Variants in MTA3 observed in about 807,000 individuals in gnomAD.
MTA3 encodes metastasis-associated protein MTA3.
In MTA3, 34 loss-of-function variants were observed where a neutral mutation model predicts 83.5. The observed-to-expected ratio is 0.41, with a 90% confidence interval of 0.31 to 0.54. MTA3 has a LOEUF of 0.54. MTA3 is among the 20% of genes least tolerant of loss of function. MTA3 has a pLI of 0.33. For synonymous variants in MTA3, 303 were observed against 252.7 expected (o/e 1.20, Z -1.89); for missense variants, 761 against 726.4 (o/e 1.05, Z -0.55).
chr2:42,601,312 T>G (rs1002779942), intron 3 of MTA3, among the ~76,000 whole-genome samples: 2 of 152,232 alleles, frequency 1.3e-5, no homozygotes, highest in Non-Finnish European at 2.9e-5. Flanking sequence ...TAAGTGAGTG[T>G]GGAGCAGTGC....
chr2:42,628,772 C>T (rs35982028), intron 4 of MTA3, among the ~76,000 whole-genome samples: 2,240 of 36,538 alleles, frequency 0.061, 61 homozygotes, highest in East Asian at 0.14. Flanking sequence ...CATTTCCACC[C>T]TTTTTTTTTT....
At chr2:42,606,378 T>C (rs1318530044) in intron 3 of MTA3, among the ~76,000 whole-genome samples, 5 of 118,000 alleles carry the variant, frequency 4.2e-5, no homozygotes, top group South Asian at 2.9e-4. Context: ...TCCTCACTTC[T>C]CAGACGGGGC....
intron 16 of MTA3, among the ~76,000 whole-genome samples, chr2:42,730,141 C>T (rs1452960435): frequency 6.6e-6 from 1 of 152,066 alleles, no homozygotes; most frequent in African/African-American, 2.4e-5. Flanking sequence ...TAGGTTTTTC[C>T]AAATATAAGA....
At chr2:42,554,215 C>T (rs890241883) in intron 2 of MTA3, among the ~76,000 whole-genome samples, 1 of 152,108 alleles carries the variant, frequency 6.6e-6, no homozygotes, top group African/African-American at 2.4e-5. Flanking sequence ...GCCTGGGCGA[C>T]AGAGCAAGAC....
At chr2:42,628,752 A>G (rs1200439341) in intron 4 of MTA3, among the ~76,000 whole-genome samples, 3 of 141,474 alleles carry the variant, frequency 2.1e-5, no homozygotes, top group Non-Finnish European at 3.0e-5. Flanking sequence ...GTTATTGAGT[A>G]TTGACAAAAC....
At chr2:42,609,415 A>G in intron 3 of MTA3, 43 bp from the exon 4 acceptor site, 1 of 1,579,416 alleles carries the variant, frequency 6.3e-7, no homozygotes, top group East Asian at 2.2e-5. Flanking sequence ...CAAACAGATA[A>G]TGTGCTTTGT....
At chr2:42,610,964 C>A (rs1322541499) in intron 4 of MTA3, among the ~76,000 whole-genome samples, 2 of 150,748 alleles carry the variant, frequency 1.3e-5, no homozygotes, top group South Asian at 4.2e-4. Context: ...ACATAAAATG[C>A]ATTATTTCTT....
chr2:42,626,969 G>T (rs1238026989), intron 4 of MTA3, among the ~76,000 whole-genome samples: 1 of 151,950 alleles, frequency 6.6e-6, no homozygotes, highest in African/African-American at 2.4e-5. Context: ...TCAAACTCCT[G>T]ACCTCAGGTG....
Position 42,659,881 on chromosome 2 carries a change from T to C in MTA3, c.702+19T>C. On this transcript the variant is annotated intron_variant, in intron 8 of 16. Coordinates refer to ENST00000405094, the MANE Select transcript of MTA3 (RefSeq NM_001330442.2). The stretch of plus-strand genomic sequence containing the variant: ...CACCTTGGTAAGACATGGTTTGAAA[T>C]TTTGTGGGTATTTATCCTTCTGTTA... The C allele has an allele frequency of 6.4e-7, 1 of 1,571,712 alleles. No homozygotes were observed. The highest frequency in any genetic ancestry group is 8.7e-7 in the Non-Finnish European group (1 of 1,154,806).
intron 2 of MTA3, among the ~76,000 whole-genome samples, chr2:42,520,791 C>G (rs149461461): frequency 7.2e-5 from 11 of 152,180 alleles, no homozygotes; most frequent in Admixed American, 1.3e-4. Context: ...GTCTCGAACT[C>G]CTAGCCTCAA....
chr2:42,678,130 A>C (rs1487222254), intron 8 of MTA3, among the ~76,000 whole-genome samples: 1 of 152,056 alleles, frequency 6.6e-6, no homozygotes, highest in African/African-American at 2.4e-5. Flanking sequence ...AACCAAGATC[A>C]ATTCTTGTGT....
At chr2:42,567,393 C>T (rs72989185), upstream of MTA3, among the ~76,000 whole-genome samples, 125 of 152,298 alleles carry the variant, frequency 8.2e-4, no homozygotes, top group African/African-American at 2.6e-3. Flanking sequence ...GTGACCATCA[C>T]AAATGTCATC....
intron 9 of MTA3, among the ~76,000 whole-genome samples, chr2:42,690,856 T>TTTA: frequency 7.3e-6 from 1 of 136,162 alleles, no homozygotes; most frequent in African/African-American, 2.8e-5. Flanking sequence ...TGTATTTTTA[T>TTTA]TTTATTTATT....
chr2:42,733,849 CTGT>C (rs1558629946), intron 16 of MTA3, among the ~76,000 whole-genome samples: 1 of 152,040 alleles, frequency 6.6e-6, no homozygotes, highest in African/African-American at 2.4e-5. Flanking sequence ...TCCAATATTC[CTGT>C]TGTTATTGAT....
At chr2:42,704,903 G>T (rs1465804848) in intron 12 of MTA3, among the ~76,000 whole-genome samples, 1 of 152,184 alleles carries the variant, frequency 6.6e-6, no homozygotes, top group East Asian at 1.9e-4. Flanking sequence ...GTAGTTGATA[G>T]ACTTTGTGTG....
At chr2:42,587,135 G>A (rs1310914317) in intron 3 of MTA3, among the ~76,000 whole-genome samples, 1 of 152,148 alleles carries the variant, frequency 6.6e-6, no homozygotes, top group Non-Finnish European at 1.5e-5. Flanking sequence ...GGAGGTTGCA[G>A]TGAGCCAAGA....
chr2:42,704,341 G>A, intron 12 of MTA3, 23 bp downstream of exon 12: 1 of 1,612,850 alleles, frequency 6.2e-7, no homozygotes, highest in Non-Finnish European at 8.5e-7. Flanking sequence ...TAGCAGGTCA[G>A]TTAAGCATCG....
At chr2:42,642,353 T>G (rs929798155) in intron 5 of MTA3, among the ~76,000 whole-genome samples, 4 of 152,086 alleles carry the variant, frequency 2.6e-5, no homozygotes, top group Non-Finnish European at 5.9e-5. Context: ...CTGAAGTATC[T>G]CTGCATTTAA....
At chr2:42,578,677 G>A (rs1679304053) in intron 2 of MTA3, among the ~76,000 whole-genome samples, 1 of 152,284 alleles carries the variant, frequency 6.6e-6, no homozygotes, top group East Asian at 1.9e-4. Context: ...TCTGGGAATG[G>A]GTTTGGACGA....
Sources: gnomAD v4.1 joint callset for allele counts (sites outside exome capture counted in the v4.1 genomes callset) on GRCh38, gnomAD v4.1.1 for gene constraint, MANE v1.5 for transcripts, NCBI Gene and HGNC (gene_info 2026-07-23, HGNC 2026-07-21) for gene names.